Variants in WWOX observed in about 807,000 individuals in gnomAD.
The protein encoded by WWOX is WW domain-containing oxidoreductase.
Under a neutral mutation model 46.2 loss-of-function variants are expected in WWOX, and 69 were observed. The ratio of observed to expected loss-of-function variants is 1.49; its 90% CI spans 1.23 to 1.82. The LOEUF (loss-of-function observed/expected upper bound fraction) is 1.82. Ranked by LOEUF, WWOX falls within the 40% of genes most tolerant of loss-of-function variation. The pLI, the probability that WWOX is intolerant of heterozygous loss-of-function variation, is 0.00. For missense variants in WWOX, 919 were observed against 542.6 expected (o/e 1.69, Z -6.89); for synonymous variants, 359 against 202.6 (o/e 1.77, Z -6.56).
At chr16:78,576,861 T>A (rs1051878603) in intron 8 of WWOX, among the ~76,000 whole-genome samples, 1 of 152,214 alleles carries the variant, frequency 6.6e-6, no homozygotes, top group Admixed American at 6.5e-5. Context: ...GGTATCTTAA[T>A]CCTTTCTCAA....
At chr16:78,824,676 C>T (rs1377999686) in intron 8 of WWOX, among the ~76,000 whole-genome samples, 1 of 152,168 alleles carries the variant, frequency 6.6e-6, no homozygotes. Flanking sequence ...GTGAGAACCC[C>T]TGGTAAACCC....
intron 8 of WWOX, among the ~76,000 whole-genome samples, chr16:79,194,547 G>A (rs542193672): frequency 1.3e-5 from 2 of 151,872 alleles, no homozygotes; most frequent in Admixed American, 6.5e-5. Context: ...ATGAGATCTC[G>A]GCTCCGACGT....
chr16:79,163,194 G>T (rs1054303068), intron 8 of WWOX, among the ~76,000 whole-genome samples: 1 of 152,178 alleles, frequency 6.6e-6, no homozygotes, highest in African/African-American at 2.4e-5. Context: ...ACCTAGGAGG[G>T]AGAGATTGGG....
At chr16:78,978,091 T>G (rs2046608982) in intron 8 of WWOX, among the ~76,000 whole-genome samples, 1 of 152,180 alleles carries the variant, frequency 6.6e-6, no homozygotes, top group Admixed American at 6.5e-5. Flanking sequence ...GTTTGCTTAT[T>G]TGGGATATTT....
At chr16:78,711,658 G>C (rs556594632) in intron 8 of WWOX, among the ~76,000 whole-genome samples, 1 of 152,180 alleles carries the variant, frequency 6.6e-6, no homozygotes, top group South Asian at 2.1e-4. Context: ...TATTTGAGAC[G>C]AACAGGCCAA....
At chr16:78,420,265 A>G (rs1225312925) in intron 6 of WWOX, among the ~76,000 whole-genome samples, 1 of 152,156 alleles carries the variant, frequency 6.6e-6, no homozygotes, top group African/African-American at 2.4e-5. Flanking sequence ...CCACTCCTAG[A>G]TGTATCTTGA....
chr16:78,657,898 C>G (rs927540522), intron 8 of WWOX, among the ~76,000 whole-genome samples: 3 of 151,978 alleles, frequency 2.0e-5, no homozygotes, highest in East Asian at 1.9e-4. Context: ...GGTGATTGTT[C>G]TCATTAGAAA....
chr16:78,198,872 C>T (rs1448579746), intron 5 of WWOX, among the ~76,000 whole-genome samples: 3 of 152,174 alleles, frequency 2.0e-5, no homozygotes, highest in South Asian at 4.2e-4. Context: ...GCTCAAATTG[C>T]TCTGGACAGT....
chr16:78,964,277 T>G (rs1175760665), intron 8 of WWOX, among the ~76,000 whole-genome samples: 3 of 152,170 alleles, frequency 2.0e-5, no homozygotes, highest in Admixed American at 6.5e-5. Context: ...CCTAGAGACT[T>G]GTTGAATGGC....
rs551402400 is a variant in WWOX, at chr16:79,073,238, G to A, written c.1057-138370G>A. The stretch of plus-strand genomic sequence containing the variant: ...CTCTTTGCCCAGGCTGGAGTGAAAT[G>A]GCACGATCGCAGCTCACTGCGACCT... On this transcript the variant is annotated intron_variant, in intron 8 of 8. Transcript: ENST00000566780. 6.6e-5 allele frequency among the ~76,000 whole-genome samples: 10 copies of A among 151,514 alleles called. No homozygotes were observed. The South Asian group carries it at 1.9e-3, about 28-fold the overall frequency.
chr16:79,018,930 C>T (rs767271141), intron 8 of WWOX, among the ~76,000 whole-genome samples: 7 of 151,844 alleles, frequency 4.6e-5, no homozygotes, highest in East Asian at 1.9e-4. Flanking sequence ...GTGGGCGGAT[C>T]GCTTGAGCTC....
chr16:78,527,102 G>A (rs2043488218), intron 8 of WWOX, among the ~76,000 whole-genome samples: 1 of 152,088 alleles, frequency 6.6e-6, no homozygotes, highest in African/African-American at 2.4e-5. Flanking sequence ...AGGTGAGGTT[G>A]TGGTGAGCCG....
rs1434669009 is a variant in WWOX at position 78,186,775 on chromosome 16, T to G, written c.516+22486T>G. Among the ~76,000 whole-genome samples, 5 of 152,222 alleles carry G rather than the reference T, an allele frequency of 3.3e-5. No individual in the cohort carries two copies. The East Asian group carries it at 9.7e-4, about 29-fold the overall frequency. The stretch of plus-strand genomic sequence containing the variant: ...GTGAGACCCTGTCTCAAAAGAAAAA[T>G]AAATAAAAAGCTTTGTTTTAAAATA... On this transcript the variant is annotated intron_variant, in intron 5 of 8. Coordinates refer to ENST00000566780, the MANE Select transcript of WWOX (RefSeq NM_016373.4).
At chr16:78,323,471 C>G (rs1290364118) in intron 5 of WWOX, among the ~76,000 whole-genome samples, 3 of 151,564 alleles carry the variant, frequency 2.0e-5, no homozygotes, top group Non-Finnish European at 2.9e-5. Flanking sequence ...AAATTGTTAT[C>G]AGGAGACCCA....
chr16:78,587,244 C>T (rs1265933089), intron 8 of WWOX, among the ~76,000 whole-genome samples: 2 of 143,830 alleles, frequency 1.4e-5, no homozygotes, highest in East Asian at 2.0e-4. Flanking sequence ...CTATGTTGCC[C>T]AGGCTTGTCT....
At chr16:79,124,623 C>G (rs1290429644) in intron 8 of WWOX, among the ~76,000 whole-genome samples, 3 of 152,090 alleles carry the variant, frequency 2.0e-5, no homozygotes, top group South Asian at 2.1e-4. Context: ...AGCGAGACTT[C>G]TTGTGGAATG....
chr16:78,739,437 G>T (rs1282915712), intron 8 of WWOX, among the ~76,000 whole-genome samples: 1 of 152,156 alleles, frequency 6.6e-6, no homozygotes, highest in East Asian at 1.9e-4. Flanking sequence ...CACATCTTCG[G>T]TTCCTCCAAG....
rs577300816 is a variant in WWOX, at chr16:79,028,242, C to T, written c.1057-183366C>T. On this transcript the variant is annotated intron_variant, in intron 8 of 8. Coordinates refer to ENST00000566780, the MANE Select transcript of WWOX (RefSeq NM_016373.4). ...GGGATTACAGGCGTGAGCCACCACG[C>T]CCGACTGCTTTATTTTCCTTTGTGT... Among the ~76,000 whole-genome samples, 7 of 151,972 alleles carry T rather than the reference C, an allele frequency of 4.6e-5. No individual in the cohort carries two copies. In the East Asian group the frequency reaches 1.2e-3, roughly 25 times the overall value.
intron 8 of WWOX, among the ~76,000 whole-genome samples, chr16:78,505,261 C>G (rs149846511): frequency 2.0e-5 from 3 of 152,122 alleles, no homozygotes; most frequent in Admixed American, 6.6e-5. Context: ...GAATATTGTT[C>G]TTTTCTGTTT....
Sources: allele counts gnomAD v4.1 joint callset (sites outside exome capture counted in the v4.1 genomes callset), GRCh38; gene constraint gnomAD v4.1.1; transcripts MANE v1.5; gene names NCBI Gene and HGNC (gene_info 2026-07-23, HGNC 2026-07-21).